The following MARF1 variants were observed in gnomAD, a reference collection of about 807,000 sequenced individuals.
The protein encoded by MARF1 is limkain-b1.
In MARF1, 24 loss-of-function variants were observed where a neutral mutation model predicts 168.2. The ratio of observed to expected loss-of-function variants is 0.14; its 90% CI spans 0.10 to 0.20. The LOEUF (loss-of-function observed/expected upper bound fraction) is 0.20. Among genes scored for constraint, MARF1 ranks in the 10% least tolerant of loss-of-function variants. The pLI is 1.00. For synonymous variants in MARF1, 868 were observed against 822.4 expected (o/e 1.06, Z -0.95); for missense variants, 1,744 against 2,143.6 (o/e 0.81, Z 3.68).
Position 15,625,382 on chromosome 16 carries a change from T to A in MARF1, c.1943A>T (p.Lys648Ile). 6.2e-7 allele frequency: 1 copy of A among 1,601,718 alleles called. No homozygotes were observed. Among genetic ancestry groups the A allele is most frequent in the Non-Finnish European group, 8.5e-7 (1 of 1,174,844 alleles). Residue 648 changes from lysine (K) to isoleucine (I), a missense_variant, in exon 8 of 27, where the codon AAA becomes ATA. Around this residue, in one of 7 missense-constraint regions of MARF1, gnomAD observed 270 missense variants for 260.6 expected, o/e 1.04. Transcript: ENST00000396368. ...AGGTATCAAAATTACCTGTAAACTTTTAACATTTGTATTTTTTGTAGCAGA... is the reference window on the plus strand; with the variant it reads ...AGGTATCAAAATTACCTGTAAACTTATAACATTTGTATTTTTTGTAGCAGA... ...SGSATKNTNV[K>I]SLQELCRMES...
intron 6 of MARF1, 93 bp from the exon 7 acceptor site, chr16:15,630,597 G>C: frequency 8.5e-7 from 1 of 1,183,412 alleles, no homozygotes; most frequent in Non-Finnish European, 1.2e-6. Context: ...GAGAAGAAAG[G>C]AAAGGCTGGA....
intron 16 of MARF1, among the ~76,000 whole-genome samples, chr16:15,614,832 T>C (rs1192121513): frequency 1.3e-5 from 2 of 151,546 alleles, no homozygotes; most frequent in East Asian, 3.9e-4. Context: ...TCACCCAGGC[T>C]GGAGTGCAAT....
intron 1 of MARF1, among the ~76,000 whole-genome samples, chr16:15,641,638 C>T (rs997037277): frequency 4.6e-5 from 7 of 152,068 alleles, no homozygotes; most frequent in African/African-American, 1.7e-4. Flanking sequence ...ACGGTGGGAT[C>T]CTCTTATATA....
In MARF1 at chr16:15,595,412, A is replaced by C. The variant is rs947999220; in HGVS notation, c.*1281T>G. The C allele has an allele frequency of 6.6e-6, 1 of 152,650 alleles. No individual in the cohort carries two copies. The highest frequency in any genetic ancestry group is 1.5e-5 in the Non-Finnish European group (1 of 68,040). 9.5% of individuals were successfully genotyped at this position (152,650 alleles called of 1,614,324 possible). A position where few individuals can be genotyped will look rare whatever the true frequency, so the allele number is the denominator to read the frequency against. ...CTAACTAGTGGAAGACCTTACGCCA[A>C]CAGGTTCTTTCTGCTCTATGAATGA... On this transcript the variant is annotated 3_prime_UTR_variant, in exon 27 of 27. Coordinates refer to ENST00000396368, the MANE Select transcript of MARF1 (RefSeq NM_014647.4).
chr16:15,616,726 G>A, intron 15 of MARF1: 1 of 230,654 alleles, frequency 4.3e-6, no homozygotes, highest in East Asian at 9.5e-5. Context: ...GCAGCCCATG[G>A]TTCCCGAGCT....
chr16:15,625,333 C>G (rs2151216136), intron 8 of MARF1, 39 bp downstream of exon 8: 1 of 1,565,346 alleles, frequency 6.4e-7, no homozygotes, highest in East Asian at 2.3e-5. Context: ...CAAACCAAAC[C>G]TACCATAAAC....
At chr16:15,642,552 G>A (rs1044023043) in intron 1 of MARF1, 3 of 152,192 alleles carry the variant, frequency 2.0e-5, no homozygotes, top group Non-Finnish European at 4.4e-5. Context: ...GTATCACGAG[G>A]TCGCGTTACA....
At position 15,624,835 on chromosome 16, in the gene MARF1, G is replaced by C. The variant is rs1385219966; in HGVS notation, c.2204C>G (p.Ala735Gly). 1 of 1,614,066 alleles carries C rather than the reference G, an allele frequency of 6.2e-7. No individual in the cohort carries two copies. Among genetic ancestry groups the C allele is most frequent in the South Asian group, 1.1e-5 (1 of 91,082 alleles). The change falls in exon 10 of 27, where the codon GCT becomes GGT. Residue 735 changes from alanine (A) to glycine (G), a missense_variant. By Grantham distance (60) the Ala-to-Gly change is moderately conservative. This residue lies in a region of MARF1 where 270 missense variants were observed against 260.6 expected (regional missense o/e 1.04). Transcript: ENST00000396368. ...ETVFQVSYPS[A>G]FSKLVASRQV... ...CCTGGATGCAACTAACTTGCTAAAA[G>C]CAGACGGGTAACTCACTTGGAATAC...
At chr16:15,615,562 T>G (rs1368410623) in intron 16 of MARF1, among the ~76,000 whole-genome samples, 2 of 151,954 alleles carry the variant, frequency 1.3e-5, no homozygotes, top group African/African-American at 4.8e-5. Flanking sequence ...GAGGCAGAGG[T>G]TGCAGTGAGC....
intron 5 of MARF1, 41 bp from the exon 6 acceptor site, chr16:15,631,539 G>T: frequency 1.4e-6 from 2 of 1,421,072 alleles, no homozygotes; most frequent in Non-Finnish European, 9.8e-7. Flanking sequence ...CAGGAGCTGA[G>T]GCTAGAAAAT....
At chr16:15,610,941 A>G (rs1199629439) in intron 19 of MARF1, 34 bp downstream of exon 19, 1 of 1,603,046 alleles carries the variant, frequency 6.2e-7, no homozygotes, top group Admixed American at 1.7e-5. Flanking sequence ...CAGGAGATAG[A>G]CAATATCCTT....
At chr16:15,614,971 G>A (rs1444672613) in intron 16 of MARF1, among the ~76,000 whole-genome samples, 1 of 152,000 alleles carries the variant, frequency 6.6e-6, no homozygotes, top group African/African-American at 2.4e-5. Context: ...AGTAGAGATG[G>A]GGTTTCACCA....
At chr16:15,614,251 G>A (rs916009156) in intron 16 of MARF1, among the ~76,000 whole-genome samples, 1 of 151,906 alleles carries the variant, frequency 6.6e-6, no homozygotes, top group African/African-American at 2.4e-5. Context: ...GGGAGGCTGA[G>A]GCGGGCGGAT....
In MARF1 at chr16:15,631,463, A is replaced by G. The variant is rs2035247859; in HGVS notation, c.1269T>C (p.Asn423=). 6.2e-7 allele frequency: 1 copy of G among 1,613,124 alleles called. No homozygotes were observed. Among genetic ancestry groups the G allele is most frequent in the African/African-American group, 1.3e-5 (1 of 74,924 alleles). ...TCTGCCGCAGTTTATCATCAGCGGC[A>G]TTCTTTGCAGTAGCATTGATGTGGG... ...TVAHINATAK[N]AADDKLRQSL... Residue 423 remains asparagine (N), a synonymous_variant, in exon 6 of 27, where the codon AAT becomes AAC. Coordinates refer to ENST00000396368, the MANE Select transcript of MARF1 (RefSeq NM_014647.4).
intron 3 of MARF1, chr16:15,635,352 T>C (rs940339627): frequency 7.6e-5 from 33 of 435,236 alleles, no homozygotes; most frequent in Middle Eastern, 1.2e-3. Context: ...ATGTAAGTTA[T>C]AAAAAATCCA....
At chr16:15,622,161 C>G (rs2034510317) in intron 11 of MARF1, among the ~76,000 whole-genome samples, 1 of 152,008 alleles carries the variant, frequency 6.6e-6, no homozygotes, top group East Asian at 1.9e-4. Context: ...GCTCAGAGGC[C>G]AACACATGGG....
chr16:15,642,673 G>A (rs114004084), intron 1 of MARF1, among the ~76,000 whole-genome samples: 2,502 of 152,268 alleles, frequency 0.016, 77 homozygotes, highest in East Asian at 0.11. Flanking sequence ...GGGGGAGTGT[G>A]TTGCAAAAAC....
intron 2 of MARF1, among the ~76,000 whole-genome samples, chr16:15,638,425 A>G (rs2035737414): frequency 6.6e-6 from 1 of 152,062 alleles, no homozygotes; most frequent in Admixed American, 6.6e-5. Context: ...GTCTCCACTA[A>G]AAATACAAAA....
At chr16:15,610,090 C>G (rs2033386112) in intron 19 of MARF1, among the ~76,000 whole-genome samples, 1 of 152,158 alleles carries the variant, frequency 6.6e-6, no homozygotes, top group Admixed American at 6.5e-5. Flanking sequence ...AGAAATTATT[C>G]CCATGAAATC....
Sources: gnomAD v4.1 joint callset for allele counts (sites outside exome capture counted in the v4.1 genomes callset) on GRCh38, gnomAD v4.1.1 for gene constraint, gnomAD v4.1.1 regional missense constraint, MANE v1.5 for transcripts, NCBI Gene and HGNC (gene_info 2026-07-23, HGNC 2026-07-21) for gene names.